BAIAP2L1: variants seen among roughly 807,000 people sequenced by gnomAD.
BAIAP2L1 encodes the protein BAR/IMD domain-containing adapter protein 2-like 1.
A neutral mutation model predicts 66.3 loss-of-function variants in BAIAP2L1; 35 were observed. The ratio of observed to expected loss-of-function variants is 0.53; its 90% CI spans 0.40 to 0.70. The LOEUF (loss-of-function observed/expected upper bound fraction) is 0.70, where lower values mean the gene tolerates loss of function less well. Among genes scored for constraint, BAIAP2L1 ranks in the 30% least tolerant of loss-of-function variants. The pLI, the probability that BAIAP2L1 is intolerant of heterozygous loss-of-function variation, is 0.00. For missense variants in BAIAP2L1, 622 were observed against 656.9 expected (o/e 0.95, Z 0.58); for synonymous variants, 269 against 248.7 (o/e 1.08, Z -0.77).
chr7:98,375,738 A>C (rs542869353), intron 1 of BAIAP2L1, among the ~76,000 whole-genome samples: 17 of 139,434 alleles, frequency 1.2e-4, no homozygotes, highest in African/African-American at 4.4e-4. Flanking sequence ...GCGAAAGTCC[A>C]TCTCAAAAAA....
At chr7:98,310,048 A>G in intron 9 of BAIAP2L1, 1 of 164,806 alleles carries the variant, frequency 6.1e-6, no homozygotes, top group South Asian at 1.4e-4. Flanking sequence ...ATGGGGTTTC[A>G]TCATGTTGGC....
At chr7:98,399,146 GGAATTTCTCAAATTTC>G (rs1280844450) in intron 1 of BAIAP2L1, among the ~76,000 whole-genome samples, 36 of 152,260 alleles carry the variant, frequency 2.4e-4, no homozygotes, top group South Asian at 4.1e-4. Flanking sequence ...TACAAATGTA[GGAATTTCTCAAATTTC>G]GAATTTCTCA....
At chr7:98,392,768 T>G (rs1184191629) in intron 1 of BAIAP2L1, among the ~76,000 whole-genome samples, 1 of 152,094 alleles carries the variant, frequency 6.6e-6, no homozygotes, top group African/African-American at 2.4e-5. Flanking sequence ...TTATCTCTGG[T>G]TTGCAGGATT....
At chr7:98,375,768 GA>G (rs1329195756) in intron 1 of BAIAP2L1, among the ~76,000 whole-genome samples, 4 of 138,462 alleles carry the variant, frequency 2.9e-5, no homozygotes, top group East Asian at 2.1e-4. Context: ...AAAAAGAAAA[GA>G]AAAAAAATTA....
At position 98,320,268 on chromosome 7, in the gene BAIAP2L1, T is replaced by C; in HGVS notation, c.245A>G (p.His82Arg). The change falls in exon 4 of 14, where the codon CAC becomes CGC. Residue 82 changes from histidine to arginine, a missense_variant. Physicochemically the swap from His to Arg is conservative, Grantham distance 29. Transcript: ENST00000005260. ...ATCAAGACTCTCGTTGAGTTTCTTG[T>C]GGGTACTTGAAATCTCTATGAGGAC... Reference protein sequence around the residue: ...GHVLIEISSTHKKLNESLDEN... With the variant: ...GHVLIEISSTRKKLNESLDEN... 2 of 1,609,894 alleles carry C rather than the reference T, an allele frequency of 1.2e-6. No homozygotes were observed. Among genetic ancestry groups the C allele is most frequent in the Non-Finnish European group, 1.7e-6 (2 of 1,177,222 alleles).
chr7:98,294,245 G>A (rs754993054), intron 12 of BAIAP2L1, 134 bp from the exon 13 acceptor site: 29 of 873,190 alleles, frequency 3.3e-5, no homozygotes, highest in Non-Finnish European at 4.6e-5. Flanking sequence ...CTTCCACCTT[G>A]GCCTCCTAAT....
intron 2 of BAIAP2L1, 96 bp downstream of exon 2, chr7:98,362,261 T>G: frequency 1.1e-6 from 1 of 941,386 alleles, no homozygotes; most frequent in Non-Finnish European, 1.6e-6. Flanking sequence ...TTTTAACCAC[T>G]TAAAGGTATT....
intron 1 of BAIAP2L1, among the ~76,000 whole-genome samples, chr7:98,380,988 T>C (rs1199223870): frequency 1.3e-5 from 2 of 151,990 alleles, no homozygotes; most frequent in African/African-American, 2.4e-5. Flanking sequence ...GCACAGGTCA[T>C]CCCCCGTCCT....
chr7:98,400,826 G>C lies in BAIAP2L1; in HGVS notation c.27C>G (p.Asn9Lys), dbSNP rs1481962770. The C allele has an allele frequency of 3.9e-6, 6 of 1,547,260 alleles. No homozygotes were observed. The highest frequency in any genetic ancestry group is 3.9e-5 in the Admixed American group (2 of 50,980). The stretch of plus-strand genomic sequence containing the variant: ...CCCGGTAGGTGCTCTCCGTGAGCCG[G>C]TTCACCTCCTCGGGCCCCCGGGACA... The part of the protein sequence containing the change: MSRGPEEV[N>K]RLTESTYRNV... Residue 9 changes from asparagine (N) to lysine (K), a missense_variant, in exon 1 of 14, where the codon AAC becomes AAG. Coordinates refer to ENST00000005260, the MANE Select transcript of BAIAP2L1 (RefSeq NM_018842.5).
intron 1 of BAIAP2L1, among the ~76,000 whole-genome samples, chr7:98,388,501 A>G (rs1802949863): frequency 6.6e-6 from 1 of 151,708 alleles, no homozygotes; most frequent in Admixed American, 6.6e-5. Context: ...TCAAAAACAA[A>G]ACAAAACAAA....
chr7:98,303,215 C>T (rs1398006937), intron 12 of BAIAP2L1, among the ~76,000 whole-genome samples: 2 of 152,200 alleles, frequency 1.3e-5, no homozygotes, highest in Non-Finnish European at 2.9e-5. Flanking sequence ...GGGGCAGGCA[C>T]ATCTTAGAAG....
In BAIAP2L1 at chr7:98,395,535, C is replaced by T. The variant is rs115512590; in HGVS notation, c.51+5267G>A. The stretch of plus-strand genomic sequence containing the variant: ...GACTTCAGGGAGTGGCCATGGTTTG[C>T]TCCTTGATCTGGGTGGTGGTTACAC... On this transcript the variant is annotated intron_variant, in intron 1 of 13. Transcript: ENST00000005260. 4.5e-3 allele frequency among the ~76,000 whole-genome samples: 676 copies of T among 151,762 alleles called. 6 individuals are homozygous for T. Among genetic ancestry groups the T allele is most frequent in the African/African-American group, 0.016 (658 of 41,384 alleles).
chr7:98,397,933 C>T (rs943167581), intron 1 of BAIAP2L1, among the ~76,000 whole-genome samples: 1 of 152,100 alleles, frequency 6.6e-6, no homozygotes, highest in Non-Finnish European at 1.5e-5. Context: ...CATTTGCCTA[C>T]GTATACATTT....
intron 3 of BAIAP2L1, among the ~76,000 whole-genome samples, chr7:98,343,616 T>C (rs1801801476): frequency 6.6e-6 from 1 of 152,160 alleles, no homozygotes; most frequent in Non-Finnish European, 1.5e-5. Context: ...TAGGATTATG[T>C]CGTTAATGCA....
chr7:98,362,415 G>A lies in BAIAP2L1; in HGVS notation c.69C>T (p.Phe23=), dbSNP rs1230455724. ...TTATTAAATTTCGCAGCCCAGGATTGAACTGTTCCATAACATTCTGCCAAA... is the reference window on the plus strand; with the variant it reads ...TTATTAAATTTCGCAGCCCAGGATTAAACTGTTCCATAACATTCTGCCAAA... ...ESTYRNVMEQ[F]NPGLRNLINL... The change falls in exon 2 of 14, where the codon TTC becomes TTT. Residue 23 remains phenylalanine (F), a synonymous_variant. Transcript: ENST00000005260. The A allele has an allele frequency of 1.9e-6, 3 of 1,610,986 alleles. No homozygotes were observed. The Admixed American group carries it at 5.0e-5, about 27-fold the overall frequency.
intron 9 of BAIAP2L1, chr7:98,308,417 C>G: frequency 2.5e-6 from 1 of 393,820 alleles, no homozygotes; most frequent in East Asian, 7.2e-5. Context: ...GTTCCATTTA[C>G]AGAGTCCTCA....
rs36101597 is a variant in BAIAP2L1 at position 98,397,318 on chromosome 7, CTTTTTT to C, written c.51+3478_51+3483del. Among the ~76,000 whole-genome samples, 7 of 74,522 alleles carry C rather than the reference CTTTTTT, an allele frequency of 9.4e-5. No homozygotes were observed. The South Asian group carries it at 2.0e-3, about 21-fold the overall frequency. 48.9% of individuals were successfully genotyped at this position (74,522 alleles called of 152,430 possible). A position where few individuals can be genotyped will look rare whatever the true frequency, so the allele number is the denominator to read the frequency against. On this transcript the variant is annotated intron_variant, in intron 1 of 13. Transcript: ENST00000005260. Reference sequence around the variant, plus strand: ...CCGTTCTTCCTCCACTTCTTAAGCCCTTTTTTTTTTTTTTTTTTTTTTTTGAGATGG... The same window carrying C: ...CCGTTCTTCCTCCACTTCTTAAGCCCTTTTTTTTTTTTTTTTTTGAGATGG...
chr7:98,352,081 C>CTTTTT (rs11390193), intron 3 of BAIAP2L1, among the ~76,000 whole-genome samples: 1 of 148,012 alleles, frequency 6.8e-6, no homozygotes. Context: ...TATCTTTGGT[C>CTTTTT]TTTTTTTTTT....
At chr7:98,342,041 A>ATTTTTTTTTTT (rs142061599) in intron 3 of BAIAP2L1, among the ~76,000 whole-genome samples, 11 of 95,072 alleles carry the variant, frequency 1.2e-4, no homozygotes, top group South Asian at 3.8e-4. Context: ...TTTTTTTCTG[A>ATTTTTTTTTTT]TTTTTTTTTT....
Sources: gnomAD v4.1 joint callset for allele counts (sites outside exome capture counted in the v4.1 genomes callset) on GRCh38, gnomAD v4.1.1 for gene constraint, MANE v1.5 for transcripts, NCBI Gene and HGNC (gene_info 2026-07-23, HGNC 2026-07-21) for gene names.